FNDC3A: variants seen among roughly 807,000 people sequenced by gnomAD.
The protein encoded by FNDC3A is fibronectin type-III domain-containing protein 3A.
In FNDC3A, 32 loss-of-function variants were observed where a neutral mutation model predicts 148.9. The ratio of observed to expected loss-of-function variants is 0.21; its 90% CI spans 0.16 to 0.29. FNDC3A has a LOEUF of 0.29. Among genes scored for constraint, FNDC3A ranks in the 10% least tolerant of loss-of-function variants. The pLI is 1.00. For missense variants in FNDC3A, 1,191 were observed against 1,452.8 expected (o/e 0.82, Z 2.93); for synonymous variants, 472 against 473.6 (o/e 1.00, Z 0.04).
chr13:49,178,742 G>A, intron 14 of FNDC3A, 88 bp downstream of exon 14: 3 of 775,952 alleles, frequency 3.9e-6, no homozygotes, highest in Non-Finnish European at 6.0e-6. Flanking sequence ...TTGTTTGTTT[G>A]TTTGTTTTTT....
intron 4 of FNDC3A, among the ~76,000 whole-genome samples, chr13:49,116,991 G>A (rs1195886750): frequency 6.6e-6 from 1 of 152,134 alleles, no homozygotes; most frequent in Non-Finnish European, 1.5e-5. Context: ...GGAACAGCAA[G>A]GAGGTCAGTA....
chr13:49,018,787 A>G (rs1323376556), intron 2 of FNDC3A, among the ~76,000 whole-genome samples: 1 of 152,224 alleles, frequency 6.6e-6, no homozygotes, highest in Non-Finnish European at 1.5e-5. Flanking sequence ...TTTGGTGTGG[A>G]TGTCCTTTCT....
intron 3 of FNDC3A, among the ~76,000 whole-genome samples, chr13:49,092,630 TTGTTCC>T (rs144602650): frequency 1.5e-3 from 223 of 152,286 alleles, no homozygotes; most frequent in African/African-American, 5.1e-3. Flanking sequence ...TTTGTTCACA[TTGTTCC>T]TTCTTATAAA....
chr13:49,057,706 T>G (rs1338770625), intron 2 of FNDC3A, among the ~76,000 whole-genome samples: 1 of 152,082 alleles, frequency 6.6e-6, no homozygotes, highest in African/African-American at 2.4e-5. Context: ...TTAAATAGAA[T>G]TTTTGTTCTC....
At chr13:49,032,854 T>C (rs61950726) in intron 2 of FNDC3A, among the ~76,000 whole-genome samples, 21,608 of 152,204 alleles carry the variant, frequency 0.14, 2,099 homozygotes, top group Non-Finnish European at 0.2. Flanking sequence ...TATAACTCTT[T>C]ACAGGGTAAA....
At position 49,138,821 on chromosome 13, in the gene FNDC3A, A is replaced by G; in HGVS notation, c.819+16A>G. On this transcript the variant is annotated intron_variant, in intron 7 of 25. Coordinates refer to ENST00000492622, the MANE Select transcript of FNDC3A (RefSeq NM_001079673.2). ...CAAACCAGTGGTAAGTATCTTATGT[A>G]TTTTATTGATGTTTATATTTAATAT... 7.4e-7 allele frequency: 1 copy of G among 1,344,412 alleles called. No individual in the cohort carries two copies. 83.3% of individuals were successfully genotyped at this position (1,344,412 alleles called of 1,614,324 possible).
chr13:49,167,162 C>T, intron 8 of FNDC3A, 82 bp from the exon 9 acceptor site: 2 of 737,244 alleles, frequency 2.7e-6, no homozygotes, highest in East Asian at 2.8e-5. Context: ...TCATAAAATA[C>T]TCTAAACTAT....
At chr13:49,162,827 A>G (rs1009376676) in intron 8 of FNDC3A, among the ~76,000 whole-genome samples, 1 of 152,156 alleles carries the variant, frequency 6.6e-6, no homozygotes, top group African/African-American at 2.4e-5. Context: ...TGTTGATGCT[A>G]TTCCTTCCTG....
chr13:49,173,994 T>G (rs1010708130), intron 11 of FNDC3A, among the ~76,000 whole-genome samples: 1 of 152,194 alleles, frequency 6.6e-6, no homozygotes, highest in Non-Finnish European at 1.5e-5. Flanking sequence ...TTAAAGAAGT[T>G]TATGAGCTAT....
rs774638514 is a variant in FNDC3A at position 49,131,301 on chromosome 13, C to T, written c.417C>T (p.Pro139=). The change falls in exon 5 of 26, where the codon CCC becomes CCT. Residue 139 remains proline, a synonymous_variant. Coordinates refer to ENST00000492622, the MANE Select transcript of FNDC3A (RefSeq NM_001079673.2). ...CTCCACCACGTCATATGTACTCACCCGTGACTGGAGCTGGAGACATGACAA... is the reference window on the plus strand; with the variant it reads ...CTCCACCACGTCATATGTACTCACCTGTGACTGGAGCTGGAGACATGACAA... ...MPPPPRHMYS[P]VTGAGDMTTQ... is the part of the protein sequence containing the mutation. 3 of 1,613,992 alleles carry T rather than the reference C, an allele frequency of 1.9e-6. No homozygotes were observed. The highest frequency in any genetic ancestry group is 2.5e-6 in the Non-Finnish European group (3 of 1,179,972).
intron 3 of FNDC3A, among the ~76,000 whole-genome samples, chr13:49,113,553 A>G (rs980071948): frequency 1.3e-5 from 2 of 152,102 alleles, no homozygotes; most frequent in Admixed American, 6.5e-5. Context: ...TTTCTACCCT[A>G]CATTTGAGCT....
In FNDC3A at chr13:49,197,748, T is replaced by G; in HGVS notation, c.2364T>G (p.Asp788Glu). Reference sequence around the variant, plus strand: ...AGGTTCCTTTGAGTAATGGAACAGATGTCACTGAATATCGACTGGAGTGGG... The same window carrying G: ...AGGTTCCTTTGAGTAATGGAACAGAGGTCACTGAATATCGACTGGAGTGGG... ...NWEVPLSNGT[D>E]VTEYRLEWGG... The change falls in exon 21 of 26, where the codon GAT (aspartate) becomes GAG (glutamate). Residue 788 changes from aspartate (D) to glutamate (E), a missense_variant. Physicochemically the swap from Asp to Glu is conservative, Grantham distance 45. This residue lies in a region of FNDC3A where 751 missense variants were observed against 944.0 expected (regional missense o/e 0.80). Coordinates refer to ENST00000492622, the MANE Select transcript of FNDC3A (RefSeq NM_001079673.2). 6.2e-7 allele frequency: 1 copy of G among 1,611,180 alleles called. No individual in the cohort carries two copies. Among genetic ancestry groups the G allele is most frequent in the Non-Finnish European group, 8.5e-7 (1 of 1,179,322 alleles).
intron 2 of FNDC3A, among the ~76,000 whole-genome samples, chr13:49,034,786 G>A (rs1401420510): frequency 6.6e-6 from 1 of 151,882 alleles, no homozygotes. Flanking sequence ...ATGTTAAGGG[G>A]GTGCATGTTA....
chr13:49,201,161 A>C (rs1379123565), intron 23 of FNDC3A: 2 of 305,972 alleles, frequency 6.5e-6, no homozygotes, highest in Non-Finnish European at 6.6e-6. Flanking sequence ...AATGGGATGC[A>C]TTCAACTTAT....
chr13:49,076,634 G>A (rs571005418), intron 3 of FNDC3A, among the ~76,000 whole-genome samples: 97 of 151,944 alleles, frequency 6.4e-4, no homozygotes, highest in Admixed American at 9.2e-4. Context: ...CCTGATACAC[G>A]GGTAATGTAC....
At chr13:48,977,299 G>A (rs1951621656) in intron 1 of FNDC3A, among the ~76,000 whole-genome samples, 1 of 152,144 alleles carries the variant, frequency 6.6e-6, no homozygotes, top group South Asian at 2.1e-4. Context: ...AAACCAAAGT[G>A]TGTATGCTTC....
At chr13:49,110,357 CTTG>C (rs1880482222) in intron 3 of FNDC3A, 1 of 1,610,770 alleles carries the variant, frequency 6.2e-7, no homozygotes, top group African/African-American at 1.3e-5. Flanking sequence ...ACGCTGTTTC[CTTG>C]TTGGATTTTC....
chr13:48,983,714 C>CA (rs962089140), intron 1 of FNDC3A, among the ~76,000 whole-genome samples: 1 of 152,010 alleles, frequency 6.6e-6, no homozygotes, highest in African/African-American at 2.4e-5. Flanking sequence ...GGTGCTATTG[C>CA]AAAAAACTTT....
intron 2 of FNDC3A, among the ~76,000 whole-genome samples, chr13:49,051,103 C>A (rs926636010): frequency 2.0e-5 from 3 of 152,078 alleles, no homozygotes; most frequent in African/African-American, 4.8e-5. Flanking sequence ...ATCTATTCTG[C>A]CATTCTGTAT....
Sources: gnomAD v4.1 joint callset for allele counts (sites outside exome capture counted in the v4.1 genomes callset) on GRCh38, gnomAD v4.1.1 for gene constraint, gnomAD v4.1.1 regional missense constraint, MANE v1.5 for transcripts, NCBI Gene and HGNC (gene_info 2026-07-23, HGNC 2026-07-21) for gene names.